The following CLRN1 variants were observed in gnomAD, a reference collection of about 807,000 sequenced individuals.
CLRN1 encodes the protein clarin-1.
CLRN1 carries 15 observed loss-of-function variants against 18.7 expected under a neutral mutation model. The observed-to-expected ratio is 0.80, with a 90% CI of 0.54 to 1.23. The LOEUF is 1.23. CLRN1 is among the 50% of genes most tolerant of loss of function. The pLI is 0.00. For missense variants in CLRN1, 311 were observed against 277.5 expected, an observed-to-expected ratio of 1.12 and a Z score of -0.86; for synonymous variants, 104 against 102.9, an observed-to-expected ratio of 1.01 and a Z score of -0.07.
intron 2 of CLRN1, among the ~76,000 whole-genome samples, chr3:150,940,807 C>CT (rs1713772706): frequency 6.6e-6 from 1 of 152,180 alleles, no homozygotes; most frequent in African/African-American, 2.4e-5. Context: ...GTTTTATATT[C>CT]TTTTCCATCA....
Position 150,956,328 on chromosome 3 carries a change from A to AAT in CLRN1, c.254-14569_254-14568dup, listed in dbSNP as rs777328277. Among the ~76,000 whole-genome samples the AAT allele has an allele frequency of 3.3e-5, 5 of 152,178 alleles. No homozygotes were observed. The East Asian group carries it at 5.8e-4, about 18-fold the overall frequency. Reference sequence around the variant, plus strand: ...CTCAAGAACGTGAGTGGCATTTTGTAATATATATATTAAGCTCTACTTTTT... The same window carrying AAT: ...CTCAAGAACGTGAGTGGCATTTTGTAATATATATATATTAAGCTCTACTTTTT... On this transcript the variant is annotated intron_variant, in intron 1 of 2. Coordinates refer to ENST00000327047, the MANE Select transcript of CLRN1 (RefSeq NM_174878.3).
At chr3:150,955,237 G>A (rs1341388291) in intron 1 of CLRN1, among the ~76,000 whole-genome samples, 2 of 152,218 alleles carry the variant, frequency 1.3e-5, no homozygotes, top group Non-Finnish European at 2.9e-5. Flanking sequence ...AGGGGTTGGG[G>A]GTAGGAGAGG....
At chr3:150,943,090 G>C (rs901162923) in intron 1 of CLRN1, among the ~76,000 whole-genome samples, 2 of 152,106 alleles carry the variant, frequency 1.3e-5, no homozygotes, top group Non-Finnish European at 2.9e-5. Context: ...AGAACTGTCC[G>C]GGTGAATTAG....
upstream of CLRN1, chr3:150,972,818 C>T: frequency 6.6e-7 from 1 of 1,508,462 alleles, no homozygotes; most frequent in Non-Finnish European, 9.1e-7. Flanking sequence ...ACGGACAGCT[C>T]CCAGCTGAAA....
chr3:150,934,581 A>G (rs1713345303), intron 2 of CLRN1, among the ~76,000 whole-genome samples: 1 of 152,204 alleles, frequency 6.6e-6, no homozygotes, highest in African/African-American at 2.4e-5. Context: ...CAGAACTGCT[A>G]GGATGTTCTA....
chr3:150,928,726 A>C (rs1296885836), intron 2 of CLRN1, among the ~76,000 whole-genome samples: 1 of 152,188 alleles, frequency 6.6e-6, no homozygotes, highest in Non-Finnish European at 1.5e-5. Context: ...CAGCTGCACA[A>C]AGGAAAAGGT....
Position 150,926,740 on chromosome 3 carries a change from T to G in CLRN1, c.*1196A>C. ...CTATTATATGAGGGCTGCTGAGTAC[T>G]CAGCACCTGTGGTCAGAGGCCTAGT... On this transcript the variant is annotated 3_prime_UTR_variant, in exon 3 of 3. Transcript: ENST00000327047. 1.3e-6 allele frequency: 2 copies of G among 1,574,518 alleles called. No individual in the cohort carries two copies. The highest frequency in any genetic ancestry group is 1.7e-6 in the Non-Finnish European group (2 of 1,145,144).
At chr3:150,950,333 G>A (rs1428628576) in intron 1 of CLRN1, among the ~76,000 whole-genome samples, 1 of 152,188 alleles carries the variant, frequency 6.6e-6, no homozygotes, top group Admixed American at 6.5e-5. Context: ...AAACTTAGGA[G>A]CTTCTGCATG....
chr3:150,941,985 T>C (rs1713875178), intron 1 of CLRN1, among the ~76,000 whole-genome samples: 1 of 152,216 alleles, frequency 6.6e-6, no homozygotes, highest in Admixed American at 6.5e-5. Flanking sequence ...AGATTTGAGG[T>C]AATTTATTTT....
intron 1 of CLRN1, among the ~76,000 whole-genome samples, chr3:150,959,046 C>G (rs1339023978): frequency 3.3e-5 from 5 of 152,190 alleles, no homozygotes; most frequent in East Asian, 1.9e-4. Context: ...TGTTTCAAAC[C>G]TATAAAGTTC....
At chr3:150,956,743 C>A (rs1321427215) in intron 1 of CLRN1, among the ~76,000 whole-genome samples, 2 of 152,092 alleles carry the variant, frequency 1.3e-5, no homozygotes, top group African/African-American at 4.8e-5. Context: ...TACTCTCCTG[C>A]ACAAATGGGG....
chr3:150,934,625 A>G (rs1713349565), intron 2 of CLRN1, among the ~76,000 whole-genome samples: 1 of 151,944 alleles, frequency 6.6e-6, no homozygotes, highest in Non-Finnish European at 1.5e-5. Context: ...CAGCTGGCCT[A>G]CTCCCTTTTA....
At chr3:150,948,259 C>A (rs71306533) in intron 1 of CLRN1, among the ~76,000 whole-genome samples, 2 of 151,770 alleles carry the variant, frequency 1.3e-5, no homozygotes, top group Non-Finnish European at 2.9e-5. Flanking sequence ...CCGAGGCGGG[C>A]GGATCACGAG....
chr3:150,931,362 T>TTA, intron 2 of CLRN1, among the ~76,000 whole-genome samples: 1 of 152,166 alleles, frequency 6.6e-6, no homozygotes, highest in Non-Finnish European at 1.5e-5. Flanking sequence ...TGCCCCACAT[T>TTA]TAGAGGGTTC....
At chr3:150,965,287 T>G (rs950618852) in intron 1 of CLRN1, among the ~76,000 whole-genome samples, 3 of 152,130 alleles carry the variant, frequency 2.0e-5, no homozygotes, top group Non-Finnish European at 4.4e-5. Flanking sequence ...AACAGCATCA[T>G]AATATGTCCC....
intron 1 of CLRN1, among the ~76,000 whole-genome samples, chr3:150,956,576 C>G (rs576990854): frequency 9.8e-5 from 15 of 152,310 alleles, no homozygotes; most frequent in African/African-American, 3.4e-4. Context: ...ACCCTCATTA[C>G]TCGAGTCTGC....
rs534481542 is a variant in CLRN1, at chr3:150,951,906, C to A, written c.254-10145G>T. On this transcript the variant is annotated intron_variant, in intron 1 of 2. Transcript: ENST00000327047. ...GCTAAACCATTCATAAGAACTCTGC[C>A]CCCATGACCCAATCACCTCCCACCA... Among the ~76,000 whole-genome samples the A allele has an allele frequency of 8.5e-5, 13 of 152,242 alleles. No individual in the cohort carries two copies. The East Asian group carries it at 2.5e-3, about 29-fold the overall frequency.
At chr3:150,951,141 T>G (rs1714462269) in intron 1 of CLRN1, among the ~76,000 whole-genome samples, 1 of 152,040 alleles carries the variant, frequency 6.6e-6, no homozygotes, top group African/African-American at 2.4e-5. Flanking sequence ...GGGATCTTCT[T>G]GAGGATGGAG....
chr3:150,937,485 A>T (rs1405178299), intron 2 of CLRN1, among the ~76,000 whole-genome samples: 2 of 152,228 alleles, frequency 1.3e-5, no homozygotes, highest in Non-Finnish European at 2.9e-5. Context: ...CTATAATTTA[A>T]TTAGTGTTGT....
Sources: allele counts gnomAD v4.1 joint callset (sites outside exome capture counted in the v4.1 genomes callset), GRCh38; gene constraint gnomAD v4.1.1; transcripts MANE v1.5; gene names NCBI Gene and HGNC (gene_info 2026-07-23, HGNC 2026-07-21).